The following TCP11L2 variants were observed in gnomAD, a reference collection of about 807,000 sequenced individuals.
The protein encoded by TCP11L2 is T-complex protein 11-like protein 2.
In TCP11L2, 39 loss-of-function variants were observed where a neutral mutation model predicts 50.7. The observed-to-expected ratio is 0.77, with a 90% CI of 0.60 to 1.01. The LOEUF (loss-of-function observed/expected upper bound fraction) is 1.01, where lower values mean the gene tolerates loss of function less well. TCP11L2 is among the 50% of genes least tolerant of loss of function. TCP11L2 has a pLI of 0.00. For missense variants in TCP11L2, 612 were observed against 614.7 expected (o/e 1.00, Z 0.05); for synonymous variants, 192 against 219.3 (o/e 0.88, Z 1.10).
intron 8 of TCP11L2, 25 bp downstream of exon 8, chr12:106,336,238 C>A: frequency 6.3e-7 from 1 of 1,590,908 alleles, no homozygotes; most frequent in South Asian, 1.1e-5. Flanking sequence ...TTTGCATCTG[C>A]TCCCTCTTGT....
At chr12:106,299,279 G>GT (rs1395997269), upstream of TCP11L2, among the ~76,000 whole-genome samples, 1 of 152,046 alleles carries the variant, frequency 6.6e-6, no homozygotes, top group Non-Finnish European at 1.5e-5. Flanking sequence ...AGTTTTTGTC[G>GT]TTTTTTGTTT....
intron 4 of TCP11L2, among the ~76,000 whole-genome samples, chr12:106,320,131 C>T (rs1359199696): frequency 4.6e-5 from 7 of 152,174 alleles, no homozygotes; most frequent in South Asian, 2.1e-4. Flanking sequence ...CTGGGCGCGG[C>T]GGCTCATGCC....
At chr12:106,333,271 T>G (rs1422610127) in intron 6 of TCP11L2, among the ~76,000 whole-genome samples, 1 of 152,232 alleles carries the variant, frequency 6.6e-6, no homozygotes, top group Non-Finnish European at 1.5e-5. Flanking sequence ...CACAACTTCT[T>G]AAGTCTTTTA....
At chr12:106,331,465 A>T (rs1258596031) in intron 6 of TCP11L2, among the ~76,000 whole-genome samples, 1 of 152,232 alleles carries the variant, frequency 6.6e-6, no homozygotes, top group Non-Finnish European at 1.5e-5. Context: ...GCTGTTGTGT[A>T]TCAGGCAGAG....
At chr12:106,313,677 T>C (rs2034948609) in intron 2 of TCP11L2, among the ~76,000 whole-genome samples, 1 of 151,514 alleles carries the variant, frequency 6.6e-6, no homozygotes, top group South Asian at 2.1e-4. Flanking sequence ...ACTTCTGAAT[T>C]ACAGAATAAA....
intron 9 of TCP11L2, among the ~76,000 whole-genome samples, chr12:106,345,614 A>C (rs1318083145): frequency 2.0e-5 from 3 of 151,974 alleles, no homozygotes; most frequent in Non-Finnish European, 4.4e-5. Context: ...TTTAGGATTA[A>C]CTTTTGTAGA....
intron 4 of TCP11L2, among the ~76,000 whole-genome samples, chr12:106,319,897 T>A (rs2035273706): frequency 6.6e-6 from 1 of 152,246 alleles, no homozygotes; most frequent in African/African-American, 2.4e-5. Context: ...AGGCTGCTTG[T>A]ATATAATAAA....
At chr12:106,333,042 TTGAGTATCCTGA>T (rs2035797755) in intron 6 of TCP11L2, among the ~76,000 whole-genome samples, 1 of 152,218 alleles carries the variant, frequency 6.6e-6, no homozygotes, top group Non-Finnish European at 1.5e-5. Context: ...GATGGAATAG[TTGAGTATCCTGA>T]TGGTTACAGG....
chr12:106,343,588 T>G lies in TCP11L2; in HGVS notation c.1315+2590T>G, dbSNP rs1268869539. On this transcript the variant is annotated intron_variant, in intron 9 of 9. Coordinates refer to ENST00000299045, the MANE Select transcript of TCP11L2 (RefSeq NM_152772.3). ...TTGAAAAGATATTAGAAAGGGATTT[T>G]TCTGTCGAATACATACTAAGTAAAA... Among the ~76,000 whole-genome samples the G allele has an allele frequency of 2.6e-5, 4 of 152,328 alleles. No individual in the cohort carries two copies. In the East Asian group the frequency reaches 7.7e-4, roughly 29 times the overall value.
chr12:106,318,511 G>T (rs766724238), intron 4 of TCP11L2, 47 bp downstream of exon 4: 6 of 1,606,500 alleles, frequency 3.7e-6, no homozygotes, highest in Non-Finnish European at 5.1e-6. Context: ...ACTCCAGGTG[G>T]GCTGCTATAA....
chr12:106,298,805 G>A (rs1374123932), upstream of TCP11L2, among the ~76,000 whole-genome samples: 1 of 150,430 alleles, frequency 6.6e-6, no homozygotes, highest in East Asian at 2.0e-4. Context: ...TTATAGGTGT[G>A]AACCACCATG....
intron 6 of TCP11L2, among the ~76,000 whole-genome samples, chr12:106,328,714 C>G (rs2035641235): frequency 1.3e-5 from 2 of 152,188 alleles, no homozygotes; most frequent in East Asian, 1.9e-4. Context: ...CCAACTCTAG[C>G]TGACTTAGCC....
intron 6 of TCP11L2, among the ~76,000 whole-genome samples, chr12:106,327,805 T>C (rs1427400213): frequency 6.6e-6 from 1 of 152,192 alleles, no homozygotes; most frequent in Non-Finnish European, 1.5e-5. Context: ...CTGAATTGGC[T>C]CCAGGAAAAT....
At position 106,310,939 on chromosome 12, in the gene TCP11L2, A is replaced by G. The variant is rs930125476; in HGVS notation, c.-35-102A>G. 7 of 1,090,436 alleles carry G rather than the reference A, an allele frequency of 6.4e-6. No individual in the cohort carries two copies. The Admixed American group carries it at 1.7e-4, about 27-fold the overall frequency. The allele number at this position is 1,090,436 out of a possible 1,614,324, so 67.5% of individuals were successfully genotyped here. On this transcript the variant is annotated intron_variant, in intron 1 of 9. Transcript: ENST00000299045. ...GAGGTCATCTGGGGGCCTTTCCAACACAGTGACACTTGTGGGGACAGTTGT... is the reference window on the plus strand; with the variant it reads ...GAGGTCATCTGGGGGCCTTTCCAACGCAGTGACACTTGTGGGGACAGTTGT...
chr12:106,320,136 C>T (rs999523128), intron 4 of TCP11L2, among the ~76,000 whole-genome samples: 13 of 152,186 alleles, frequency 8.5e-5, no homozygotes, highest in African/African-American at 3.1e-4. Context: ...CGCGGCGGCT[C>T]ATGCCTGTAA....
upstream of TCP11L2, among the ~76,000 whole-genome samples, chr12:106,300,328 T>TTTTTG (rs543592876): frequency 3.4e-4 from 52 of 152,174 alleles, no homozygotes; most frequent in East Asian, 2.3e-3. Flanking sequence ...CAAAGTGTTG[T>TTTTTG]TTTTGTTTTG....
At chr12:106,304,615 T>C (rs892128934) in intron 1 of TCP11L2, among the ~76,000 whole-genome samples, 6 of 152,352 alleles carry the variant, frequency 3.9e-5, no homozygotes, top group African/African-American at 1.4e-4. Context: ...ACTACACATA[T>C]GTGAAGGCTT....
chr12:106,308,275 G>T (rs963309699), intron 1 of TCP11L2, among the ~76,000 whole-genome samples: 1 of 152,202 alleles, frequency 6.6e-6, no homozygotes, highest in Non-Finnish European at 1.5e-5. Flanking sequence ...CTTGCTGAGA[G>T]AAACCTTATG....
intron 8 of TCP11L2, among the ~76,000 whole-genome samples, chr12:106,336,882 T>G (rs1050952990): frequency 5.3e-5 from 8 of 152,230 alleles, no homozygotes; most frequent in Non-Finnish European, 1.0e-4. Flanking sequence ...GTGAAATGTT[T>G]ACTGACTTCA....
Sources: gnomAD v4.1 joint callset for allele counts (sites outside exome capture counted in the v4.1 genomes callset) on GRCh38, gnomAD v4.1.1 for gene constraint, MANE v1.5 for transcripts, NCBI Gene and HGNC (gene_info 2026-07-23, HGNC 2026-07-21) for gene names.